SAMHD1: variants seen among roughly 807,000 people sequenced by gnomAD.
SAMHD1 encodes the protein SAM and HD domain containing deoxynucleoside triphosphate triphosphohydrolase 1, also known as deoxynucleoside triphosphate triphosphohydrolase SAMHD1.
In SAMHD1, 54 loss-of-function variants were observed where a neutral mutation model predicts 79.6. The ratio of observed to expected loss-of-function variants is 0.68; its 90% CI spans 0.55 to 0.85. The LOEUF (loss-of-function observed/expected upper bound fraction) is 0.85, where lower values mean the gene tolerates loss of function less well. Among genes scored for constraint, SAMHD1 ranks in the 40% least tolerant of loss-of-function variants. The pLI, the probability that SAMHD1 is intolerant of heterozygous loss-of-function variation, is 0.00. For missense variants in SAMHD1, 663 were observed against 782.7 expected, an observed-to-expected ratio of 0.85 and a Z score of 1.82; for synonymous variants, 260 against 264.1, an observed-to-expected ratio of 0.98 and a Z score of 0.15.
At chr20:36,928,620 G>A (rs1351257784) in intron 5 of SAMHD1, among the ~76,000 whole-genome samples, 1 of 151,860 alleles carries the variant, frequency 6.6e-6, no homozygotes, top group Non-Finnish European at 1.5e-5. Context: ...GGGAGGCGGA[G>A]GTTGCAGTGA....
intron 15 of SAMHD1, among the ~76,000 whole-genome samples, chr20:36,896,061 G>A (rs1009562597): frequency 2.0e-5 from 3 of 151,720 alleles, no homozygotes; most frequent in African/African-American, 7.3e-5. Flanking sequence ...GAGCATCTGT[G>A]GATTTTTCTT....
chr20:36,906,164 G>A (rs571241977), intron 11 of SAMHD1, among the ~76,000 whole-genome samples: 40 of 152,282 alleles, frequency 2.6e-4, no homozygotes, highest in African/African-American at 9.6e-4. Flanking sequence ...GTGGCTAGGC[G>A]CTGTGGCTCA....
In SAMHD1 at chr20:36,911,279, T is replaced by G; in HGVS notation, c.1209A>C (p.Gly403=). 6.2e-7 allele frequency: 1 copy of G among 1,613,280 alleles called. No homozygotes were observed. The highest frequency in any genetic ancestry group is 8.5e-7 in the Non-Finnish European group (1 of 1,179,958). Residue 403 remains glycine (G), a synonymous_variant, in exon 11 of 16, where the codon GGA becomes GGC. Transcript: ENST00000646673. ...ADDYIEITGA[G]GKKYRISTAI... is the part of the protein sequence containing the mutation. ...CTGTAGAAATGCGATACTTTTTTCCTCCAGCACCTGTAATCTCTATGTAGT... is the reference window on the plus strand; with the variant it reads ...CTGTAGAAATGCGATACTTTTTTCCGCCAGCACCTGTAATCTCTATGTAGT...
At chr20:36,933,772 C>A (rs769854038) in intron 4 of SAMHD1, among the ~76,000 whole-genome samples, 1 of 152,056 alleles carries the variant, frequency 6.6e-6, no homozygotes, top group Non-Finnish European at 1.5e-5. Context: ...ATTGGCCGGG[C>A]ACGGTGGCTC....
At chr20:36,913,772 T>TC (rs397865535) in intron 9 of SAMHD1, among the ~76,000 whole-genome samples, 45 of 150,518 alleles carry the variant, frequency 3.0e-4, no homozygotes, top group Admixed American at 2.9e-3. Context: ...TTTTTTTTTT[T>TC]AGACAGTCTC....
intron 6 of SAMHD1, 70 bp downstream of exon 6, chr20:36,927,112 G>C: frequency 7.2e-7 from 1 of 1,383,790 alleles, no homozygotes; most frequent in East Asian, 2.3e-5. Flanking sequence ...GAACCAAACA[G>C]ATAAATTAAC....
At position 36,941,040 on chromosome 20, in the gene SAMHD1, T is replaced by C. The variant is rs752489862; in HGVS notation, c.347A>G (p.Lys116Arg). Residue 116 changes from lysine to arginine, a missense_variant and splice_region_variant, in exon 3 of 16, where the codon AAG becomes AGG. Physicochemically the swap from Lys to Arg is conservative, Grantham distance 26. Transcript: ENST00000646673. ...CATAACAAACTCAGATCCTCTTACC[T>C]TCATTGTATCAACGTGGATTTGAAC... The part of the protein sequence containing the change: ...RLVQIHVDTM[K>R]VINDPIHGHI... The C allele has an allele frequency of 6.2e-7, 1 of 1,610,536 alleles. No individual in the cohort carries two copies. The highest frequency in any genetic ancestry group is 2.2e-5 in the East Asian group (1 of 44,838).
In SAMHD1 at chr20:36,948,135, G is replaced by A. The variant is rs578166787; in HGVS notation, c.209-1331C>T. ...GCATACATCATCGGTAAAATGTGTT[G>A]AGTGTAGTAACTTATTTCAGACTTC... On this transcript the variant is annotated intron_variant, in intron 1 of 15. Transcript: ENST00000646673. Among the ~76,000 whole-genome samples, 8 of 152,054 alleles carry A rather than the reference G, an allele frequency of 5.3e-5. No individual in the cohort carries two copies. In the East Asian group the frequency reaches 1.5e-3, roughly 29 times the overall value.
chr20:36,920,423 G>A (rs189225470), intron 6 of SAMHD1, among the ~76,000 whole-genome samples: 177 of 151,896 alleles, frequency 1.2e-3, no homozygotes, highest in Non-Finnish European at 1.7e-3. Context: ...TTCTTTCCCC[G>A]CCCCCGCAGA....
In SAMHD1 at chr20:36,946,896, TA is replaced by T. The variant is rs1317249225; in HGVS notation, c.209-93del. ...ACACCAACATTTACCCAGATCCACA[TA>T]AGTGAGTACCCACTGCAGGCAATGG... On this transcript the variant is annotated intron_variant, in intron 1 of 15. Transcript: ENST00000646673. The T allele has an allele frequency of 4.1e-6, 4 of 982,546 alleles. No homozygotes were observed. In the East Asian group the frequency reaches 1.1e-4, roughly 26 times the overall value. 60.9% of individuals were successfully genotyped at this position (982,546 alleles called of 1,614,324 possible).
At chr20:36,909,962 C>G (rs140975759) in intron 11 of SAMHD1, among the ~76,000 whole-genome samples, 1 of 151,912 alleles carries the variant, frequency 6.6e-6, no homozygotes, top group Admixed American at 6.6e-5. Flanking sequence ...CGGTGTCTCA[C>G]GCCTGTAATC....
At chr20:36,912,240 C>T in intron 10 of SAMHD1, 2 of 530,462 alleles carry the variant, frequency 3.8e-6, no homozygotes, top group South Asian at 2.1e-5. Context: ...TCATCTGCCC[C>T]TTTATCCACT....
At position 36,941,164 on chromosome 20, in the gene SAMHD1, C is replaced by T. The variant is rs2146144664; in HGVS notation, c.276-53G>A. The stretch of plus-strand genomic sequence containing the variant: ...TATCATTATTTGCTTAATAATAATC[C>T]CTGCAGTATATAGTAGACATAATAA... On this transcript the variant is annotated intron_variant, in intron 2 of 15. Transcript: ENST00000646673. 8 of 1,186,268 alleles carry T rather than the reference C, an allele frequency of 6.7e-6. No homozygotes were observed. In the South Asian group the frequency reaches 8.5e-5, roughly 13 times the overall value. 73.5% of individuals were successfully genotyped at this position (1,186,268 alleles called of 1,614,324 possible). A position where few individuals can be genotyped will look rare whatever the true frequency, so the allele number is the denominator to read the frequency against.
chr20:36,910,773 G>GT (rs1429572677), intron 11 of SAMHD1, among the ~76,000 whole-genome samples: 1 of 151,530 alleles, frequency 6.6e-6, no homozygotes, highest in African/African-American at 2.4e-5. Context: ...GAGTACTTAC[G>GT]TATCAAGTCT....
At chr20:36,946,460 A>G (rs1360668696) in intron 2 of SAMHD1, 2 of 333,918 alleles carry the variant, frequency 6.0e-6, no homozygotes, top group Non-Finnish European at 5.6e-6. Flanking sequence ...GGTGGTGGGC[A>G]CCTGTAATCC....
At chr20:36,893,676 T>C (rs1379820262) in intron 15 of SAMHD1, 2 of 387,460 alleles carry the variant, frequency 5.2e-6, no homozygotes, top group East Asian at 3.7e-5. Flanking sequence ...TATGCTAAAC[T>C]GTTCTGAACT....
chr20:36,951,476 G>T lies in SAMHD1; in HGVS notation c.168C>A (p.Arg56=). ...GPEQVCSFLR[R]GGFEEPVLLK... Reference sequence around the variant, plus strand: ...GCAGCACCGGCTCTTCAAAGCCACCGCGCCTGAGGAAGGAGCACACCTGCT... The same window carrying T: ...GCAGCACCGGCTCTTCAAAGCCACCTCGCCTGAGGAAGGAGCACACCTGCT... The change falls in exon 1 of 16, where the codon CGC becomes CGA. Residue 56 remains arginine (R), a synonymous_variant. Transcript: ENST00000646673. 6.2e-7 allele frequency: 1 copy of T among 1,614,140 alleles called. No homozygotes were observed. Among genetic ancestry groups the T allele is most frequent in the Non-Finnish European group, 8.5e-7 (1 of 1,179,990 alleles).
rs7273843 is a variant in SAMHD1, at chr20:36,939,882, T to A, written c.348+1157A>T. Among the ~76,000 whole-genome samples, 287 of 152,246 alleles carry A rather than the reference T, an allele frequency of 1.9e-3. 1 individual carries two copies. Among genetic ancestry groups the A allele is most frequent in the African/African-American group, 6.4e-3 (267 of 41,552 alleles). ...CAAGAAACATTTCATCAAGTATGGT[T>A]TTAGAATCACTCTGAAGAGCTTGTG... On this transcript the variant is annotated intron_variant, in intron 3 of 15. Coordinates refer to ENST00000646673, the MANE Select transcript of SAMHD1 (RefSeq NM_015474.4).
chr20:36,917,241 A>G, intron 7 of SAMHD1, 192 bp from the exon 8 acceptor site: 1 of 602,990 alleles, frequency 1.7e-6, no homozygotes, highest in Non-Finnish European at 2.9e-6. Context: ...AAGAAATGCT[A>G]AGGTATATGA....
Sources: allele counts gnomAD v4.1 joint callset (sites outside exome capture counted in the v4.1 genomes callset), GRCh38; gene constraint gnomAD v4.1.1; transcripts MANE v1.5; gene names NCBI Gene and HGNC (gene_info 2026-07-23, HGNC 2026-07-21).